Variants in ME1 observed in about 807,000 individuals in gnomAD.
ME1 encodes the protein malic enzyme 1.
ME1 carries 74 observed loss-of-function variants against 66.4 expected under a neutral mutation model. That is an observed-to-expected ratio of 1.11 (90% CI 0.92 to 1.35). The LOEUF (loss-of-function observed/expected upper bound fraction) is 1.35, where lower values mean the gene tolerates loss of function less well. Ranked by LOEUF, ME1 falls within the 40% of genes most tolerant of loss-of-function variation. ME1 has a pLI of 0.00. For synonymous variants in ME1, 251 were observed against 235.6 expected, an observed-to-expected ratio of 1.07 and a Z score of -0.60; for missense variants, 750 against 694.1, an observed-to-expected ratio of 1.08 and a Z score of -0.90.
In ME1 at chr6:83,211,696, A is replaced by C. The variant is rs1176206999; in HGVS notation, c.*228T>G. ...AACAGCTTTTAAAGAGAACGTAGGC[A>C]GAATAATTCAGACAGAAACCATAAA... On this transcript the variant is annotated 3_prime_UTR_variant, in exon 14 of 14. Coordinates refer to ENST00000369705, the MANE Select transcript of ME1 (RefSeq NM_002395.6). 1 of 340,054 alleles carries C rather than the reference A, an allele frequency of 2.9e-6. No individual in the cohort carries two copies. Among genetic ancestry groups the C allele is most frequent in the Non-Finnish European group, 5.3e-6 (1 of 189,414 alleles). 21.1% of individuals were successfully genotyped at this position (340,054 alleles called of 1,614,324 possible).
At chr6:83,382,370 T>G (rs1769422617) in intron 3 of ME1, among the ~76,000 whole-genome samples, 1 of 152,030 alleles carries the variant, frequency 6.6e-6, no homozygotes, top group Non-Finnish European at 1.5e-5. Flanking sequence ...AGTCAATAAT[T>G]TAAAAGACTG....
chr6:83,232,920 C>A (rs1446481900), intron 9 of ME1, among the ~76,000 whole-genome samples: 1 of 151,998 alleles, frequency 6.6e-6, no homozygotes, highest in Non-Finnish European at 1.5e-5. Flanking sequence ...TTATTTAAAA[C>A]AAAACAAAAT....
At chr6:83,219,480 C>T (rs1167506519) in intron 12 of ME1, among the ~76,000 whole-genome samples, 1 of 152,126 alleles carries the variant, frequency 6.6e-6, no homozygotes, top group Non-Finnish European at 1.5e-5. Flanking sequence ...TAATACAGGA[C>T]TAATAATACT....
At chr6:83,315,201 A>C (rs1254022199) in intron 6 of ME1, 109 bp downstream of exon 6, 1 of 667,850 alleles carries the variant, frequency 1.5e-6, no homozygotes, top group Non-Finnish European at 2.6e-6. Flanking sequence ...TGCATTTTTC[A>C]TTCAAATTAC....
In ME1 at chr6:83,227,328, AC is replaced by A. The variant is rs768285584; in HGVS notation, c.1275+6del. ...TTATTAAAATATCTGTTATAGTTTT[AC>A]TTTACCTTGGTTATTTTGTAGCACT... On this transcript the variant is annotated splice_donor_region_variant and intron_variant, in intron 11 of 13. Transcript: ENST00000369705. 2 of 1,517,006 alleles carry A rather than the reference AC, an allele frequency of 1.3e-6. No homozygotes were observed. Among genetic ancestry groups the A allele is most frequent in the South Asian group, 2.7e-5 (2 of 74,728 alleles). 94.0% of individuals were successfully genotyped at this position (1,517,006 alleles called of 1,614,324 possible). A position where few individuals can be genotyped will look rare whatever the true frequency, so the allele number is the denominator to read the frequency against.
At chr6:83,383,029 G>T (rs901436555) in intron 3 of ME1, among the ~76,000 whole-genome samples, 1 of 151,830 alleles carries the variant, frequency 6.6e-6, no homozygotes, top group African/African-American at 2.4e-5. Context: ...CCGAAAAAGA[G>T]GAAATTCTGC....
Position 83,227,379 on chromosome 6 carries a change from T to C in ME1, c.1231A>G (p.Ser411Gly). ...TGCTCTGCAGAACATTCTGCTTTGC[T>C]AGTTGGATTACTCAAAGCAAAAATA... ...PIIFALSNPT[S>G]KAECSAEQCY... The change falls in exon 11 of 14, where the codon AGC becomes GGC. Residue 411 changes from serine (S) to glycine (G), a missense_variant. Coordinates refer to ENST00000369705, the MANE Select transcript of ME1 (RefSeq NM_002395.6). 1.2e-6 allele frequency: 2 copies of C among 1,604,728 alleles called. No homozygotes were observed. Among genetic ancestry groups the C allele is most frequent in the Admixed American group, 1.7e-5 (1 of 59,660 alleles).
chr6:83,217,038 G>A (rs184519521), intron 12 of ME1, among the ~76,000 whole-genome samples: 2 of 152,330 alleles, frequency 1.3e-5, no homozygotes, highest in Admixed American at 1.3e-4. Context: ...AGGAGGTAGA[G>A]CAAAAGGCTG....
At chr6:83,429,358 T>TATTA (rs1159503454) in intron 1 of ME1, among the ~76,000 whole-genome samples, 2 of 152,204 alleles carry the variant, frequency 1.3e-5, no homozygotes, top group Non-Finnish European at 2.9e-5. Flanking sequence ...CTACATACTC[T>TATTA]TAATAGACAC....
At chr6:83,391,827 A>G (rs527655843) in intron 3 of ME1, among the ~76,000 whole-genome samples, 2 of 152,076 alleles carry the variant, frequency 1.3e-5, no homozygotes, top group East Asian at 1.9e-4. Context: ...TCATATCTAC[A>G]TGACTTCCTC....
At chr6:83,300,596 T>G (rs1767695634) in intron 6 of ME1, among the ~76,000 whole-genome samples, 1 of 147,080 alleles carries the variant, frequency 6.8e-6, no homozygotes, top group African/African-American at 2.5e-5. Context: ...TCTTTTATTT[T>G]CCTTTCTTTC....
At chr6:83,317,361 C>T (rs147914517) in intron 5 of ME1, among the ~76,000 whole-genome samples, 4,563 of 151,844 alleles carry the variant, frequency 0.03, 218 homozygotes, top group African/African-American at 0.11. Context: ...TTGTAGTTCT[C>T]CTTGAAGAGG....
intron 6 of ME1, among the ~76,000 whole-genome samples, chr6:83,282,458 G>GA (rs1767316963): frequency 6.6e-6 from 1 of 152,198 alleles, no homozygotes; most frequent in Non-Finnish European, 1.5e-5. Context: ...TGAAGGATAT[G>GA]AACAGACACT....
chr6:83,401,051 C>A (rs913890081), intron 2 of ME1, among the ~76,000 whole-genome samples: 1 of 152,222 alleles, frequency 6.6e-6, no homozygotes, highest in African/African-American at 2.4e-5. Flanking sequence ...TAACTCCCCT[C>A]AGCATTCTCA....
Position 83,357,902 on chromosome 6 carries a change from C to CCTCTCTCT in ME1, c.363-5771_363-5764dup, listed in dbSNP as rs1051682306. On this transcript the variant is annotated intron_variant, in intron 3 of 13. Coordinates refer to ENST00000369705, the MANE Select transcript of ME1 (RefSeq NM_002395.6). ...TGTTAGTTAATACTTAATAAACTCC[C>CCTCTCTCT]CTCTCTCTCTCTCTCTCTCTCTCTC... is the stretch of plus-strand genomic sequence containing the variant. Among the ~76,000 whole-genome samples, 103 of 31,488 alleles carry CCTCTCTCT rather than the reference C, an allele frequency of 3.3e-3. 7 individuals carry two copies. Among genetic ancestry groups the CCTCTCTCT allele is most frequent in the African/African-American group, 6.3e-3 (45 of 7,168 alleles). The allele number at this position is 31,488 out of a possible 152,430, so 20.7% of individuals were successfully genotyped here.
intron 5 of ME1, among the ~76,000 whole-genome samples, chr6:83,331,137 G>C (rs957488606): frequency 2.0e-5 from 3 of 152,158 alleles, no homozygotes; most frequent in African/African-American, 7.2e-5. Context: ...CTGATCATGT[G>C]CTATGGGTTG....
chr6:83,423,610 G>GT (rs1770313075), intron 1 of ME1, among the ~76,000 whole-genome samples: 1 of 151,948 alleles, frequency 6.6e-6, no homozygotes, highest in African/African-American at 2.4e-5. Flanking sequence ...ACTAGATGGG[G>GT]TAACATGATG....
chr6:83,224,816 T>A (rs549311413), intron 11 of ME1, among the ~76,000 whole-genome samples: 104 of 152,078 alleles, frequency 6.8e-4, no homozygotes, highest in Middle Eastern at 3.4e-3. Context: ...GATTAAGTTA[T>A]CAATATTTTT....
At chr6:83,375,193 C>A (rs1217040513) in intron 3 of ME1, among the ~76,000 whole-genome samples, 1 of 152,098 alleles carries the variant, frequency 6.6e-6, no homozygotes, top group Admixed American at 6.5e-5. Flanking sequence ...GGCAGTATGG[C>A]CATTTTCACA....
Sources: gnomAD v4.1 joint callset for allele counts (sites outside exome capture counted in the v4.1 genomes callset) on GRCh38, gnomAD v4.1.1 for gene constraint, MANE v1.5 for transcripts, NCBI Gene and HGNC (gene_info 2026-07-23, HGNC 2026-07-21) for gene names.